Variants in KATNB1 observed in about 807,000 individuals in gnomAD.
The protein encoded by KATNB1 is katanin p80 WD40 repeat-containing subunit B1.
In KATNB1, 38 loss-of-function variants were observed where a neutral mutation model predicts 82.3. The ratio of observed to expected loss-of-function variants is 0.46; its 90% confidence interval spans 0.36 to 0.61. The LOEUF (loss-of-function observed/expected upper bound fraction) is 0.61, where lower values mean the gene tolerates loss of function less well. Among genes scored for constraint, KATNB1 ranks in the 20% least tolerant of loss-of-function variants. The pLI is 0.00. For missense variants in KATNB1, 749 were observed against 915.7 expected, an observed-to-expected ratio of 0.82 and a Z score of 2.35; for synonymous variants, 361 against 368.7, an observed-to-expected ratio of 0.98 and a Z score of 0.24.
chr16:57,744,259 G>C, intron 3 of KATNB1, 135 bp from the exon 4 acceptor site: 1 of 719,798 alleles, frequency 1.4e-6, no homozygotes, highest in South Asian at 1.7e-5. Context: ...GGAGGGCTAG[G>C]CTGTGGCCCC....
chr16:57,753,242 A>C lies in KATNB1; in HGVS notation c.1021A>C (p.Ser341Arg), dbSNP rs1209385031. The change falls in exon 11 of 20, where the codon AGC becomes CGC. Residue 341 changes from serine (S) to arginine (R), a missense_variant. By Grantham distance (110) the Ser-to-Arg change is moderately radical (BLOSUM62 -1). Transcript: ENST00000379661. ...APLRRIYERP[S>R]TTCSKPQRVK... ...CCTCCGGCGCATCTATGAGCGGCCC[A>C]GCACAACCTGCAGCAAGCCTCAGAG... 3.1e-6 allele frequency: 5 copies of C among 1,602,352 alleles called. No individual in the cohort carries two copies. In the African/African-American group the frequency reaches 5.4e-5, roughly 17 times the overall value.
At chr16:57,739,361 G>A (rs1205223581) in intron 2 of KATNB1, among the ~76,000 whole-genome samples, 10 of 152,184 alleles carry the variant, frequency 6.6e-5, no homozygotes, top group African/African-American at 1.4e-4. Context: ...ACATGAGGTC[G>A]TTGAAACCTA....
intron 18 of KATNB1, 127 bp from the exon 19 acceptor site, chr16:57,756,229 C>A: frequency 9.1e-7 from 1 of 1,104,138 alleles, no homozygotes; most frequent in Non-Finnish European, 1.4e-6. Flanking sequence ...TGGAAACAGG[C>A]GTGTGTGGGT....
intron 3 of KATNB1, among the ~76,000 whole-genome samples, chr16:57,742,903 C>T (rs1402039226): frequency 6.6e-6 from 1 of 152,236 alleles, no homozygotes; most frequent in Non-Finnish European, 1.5e-5. Context: ...TACATTCTCA[C>T]CAGCAGCATC....
chr16:57,754,771 C>A (rs1451642412), intron 13 of KATNB1, among the ~76,000 whole-genome samples, 159 bp from the exon 14 acceptor site: 1 of 152,186 alleles, frequency 6.6e-6, no homozygotes, highest in Non-Finnish European at 1.5e-5. Flanking sequence ...CAGGCCTGCC[C>A]CAGGTCCTCT....
At chr16:57,742,768 G>A (rs1308348714) in intron 3 of KATNB1, among the ~76,000 whole-genome samples, 1 of 152,216 alleles carries the variant, frequency 6.6e-6, no homozygotes, top group African/African-American at 2.4e-5. Context: ...AAAGCACCCT[G>A]TGGTGAACAT....
Position 57,751,316 on chromosome 16 carries a change from C to A in KATNB1, c.432+14C>A. The stretch of plus-strand genomic sequence containing the variant: ...TTCCGATACAGGGTAAGGATGCGCT[C>A]TGTCGGTGACTCCATGAGCACCTTG... On this transcript the variant is annotated intron_variant, in intron 6 of 19. Transcript: ENST00000379661. The surrounding 1 kb of genome is among the most constrained non-coding windows in gnomAD (Gnocchi z 6.3). 6.2e-7 allele frequency: 1 copy of A among 1,612,462 alleles called. No homozygotes were observed. Among genetic ancestry groups the A allele is most frequent in the South Asian group, 1.1e-5 (1 of 91,028 alleles).
chr16:57,737,755 G>A (rs568911250), intron 2 of KATNB1, among the ~76,000 whole-genome samples: 5 of 152,194 alleles, frequency 3.3e-5, no homozygotes, highest in Middle Eastern at 3.4e-3. Flanking sequence ...GACAGGGCTC[G>A]GATTGTAACT....
intron 4 of KATNB1, among the ~76,000 whole-genome samples, chr16:57,749,472 G>T (rs1239664660): frequency 2.0e-5 from 3 of 152,146 alleles, no homozygotes; most frequent in Non-Finnish European, 2.9e-5. Context: ...CTTGGATCTT[G>T]ACTCTGCAGT....
chr16:57,753,014 A>G (rs1330899173), intron 10 of KATNB1, 63 bp from the exon 11 acceptor site: 2 of 1,583,658 alleles, frequency 1.3e-6, no homozygotes, highest in Non-Finnish European at 1.7e-6. Context: ...CTACCCCCAC[A>G]CTGGGGCTGG....
intron 2 of KATNB1, among the ~76,000 whole-genome samples, chr16:57,739,892 G>T (rs1479972775): frequency 2.0e-5 from 3 of 152,178 alleles, no homozygotes; most frequent in African/African-American, 7.2e-5. Flanking sequence ...AGGGGCAGCA[G>T]TCCTGAGGCC....
chr16:57,751,743 T>C lies in KATNB1; in HGVS notation c.516+19T>C. On this transcript the variant is annotated intron_variant, in intron 7 of 19. Transcript: ENST00000379661. The surrounding 1 kb of genome is among the most constrained non-coding windows in gnomAD (Gnocchi z 6.3). ...CGTGAAGGTAGCTCCCGGCCTGACC[T>C]GGGCCCAGGGGCTGGGGGCTGGGGT... 6.2e-7 allele frequency: 1 copy of C among 1,606,352 alleles called. No individual in the cohort carries two copies. The highest frequency in any genetic ancestry group is 8.5e-7 in the Non-Finnish European group (1 of 1,178,926).
At chr16:57,755,797 C>G (rs781933930) in intron 16 of KATNB1, 44 bp from the exon 17 acceptor site, 5 of 1,541,286 alleles carry the variant, frequency 3.2e-6, no homozygotes, top group Non-Finnish European at 4.4e-6. Flanking sequence ...CAGGGCCACA[C>G]TGTCCCCCAC....
intron 4 of KATNB1, among the ~76,000 whole-genome samples, chr16:57,748,896 A>C (rs542507210): frequency 6.6e-6 from 1 of 152,354 alleles, no homozygotes; most frequent in African/African-American, 2.4e-5. Context: ...GTGGGATCCA[A>C]GCTGAGTGGG....
At chr16:57,753,304 G>A (rs1555584294) in intron 11 of KATNB1, 37 bp downstream of exon 11, 3 of 1,580,006 alleles carry the variant, frequency 1.9e-6, no homozygotes, top group East Asian at 2.3e-5. Flanking sequence ...CCCAGGAGAG[G>A]GACTGTCACA....
chr16:57,752,649 G>C (rs2049238300), intron 9 of KATNB1, 48 bp downstream of exon 9: 3 of 1,547,682 alleles, frequency 1.9e-6, no homozygotes, highest in Non-Finnish European at 2.6e-6. Flanking sequence ...CCGGCAGTGG[G>C]GCGTGGCTGT....
Position 57,741,808 on chromosome 16 carries a change from C to T in KATNB1, c.162C>T (p.Asn54=), listed in dbSNP as rs1282281202. The change falls in exon 3 of 20, where the codon AAC becomes AAT. Residue 54 remains asparagine (N), a synonymous_variant. Coordinates refer to ENST00000379661, the MANE Select transcript of KATNB1 (RefSeq NM_005886.3). ...RVNLWSINKP[N]CIMSLTGHTS... is the part of the protein sequence containing the mutation. ...ACCTGTGGTCCATCAACAAGCCCAA[C>T]TGCATCATGGTGAGCCCCGACAGCT... 9.9e-6 allele frequency: 16 copies of T among 1,613,276 alleles called. No homozygotes were observed. In the African/African-American group the frequency reaches 1.6e-4, roughly 16 times the overall value.
chr16:57,753,991 G>A lies in KATNB1; in HGVS notation c.1224G>A (p.Glu408=), dbSNP rs1555584684. The part of the protein sequence containing the change: ...RRSEPFPAPP[E]DDAATAKEAA... ...GTGAGCCCTTCCCTGCACCCCCAGA[G>A]GACGGTGAGTTGGGTGAGCCTGGTT... is the stretch of plus-strand genomic sequence containing the variant. The change falls in exon 13 of 20, where the codon GAG becomes GAA. Residue 408 remains glutamate (E), a synonymous_variant. Transcript: ENST00000379661. The A allele has an allele frequency of 2.5e-6, 4 of 1,613,566 alleles. No homozygotes were observed. Among genetic ancestry groups the A allele is most frequent in the East Asian group, 2.2e-5 (1 of 44,860 alleles).
Position 57,737,090 on chromosome 16 carries a change from C to A in KATNB1, c.-154C>A. 1.1e-6 allele frequency: 1 copy of A among 925,068 alleles called. No individual in the cohort carries two copies. The highest frequency in any genetic ancestry group is 1.7e-6 in the Non-Finnish European group (1 of 585,766). The allele number at this position is 925,068 out of a possible 1,614,324, so 57.3% of individuals were successfully genotyped here. On this transcript the variant is annotated 5_prime_UTR_variant, in exon 2 of 20. Transcript: ENST00000379661. ...TGGGTAATTTGGAACCACGAGGCACCCCAGGGCCAGAAGACGAGGCATTCT... is the reference window on the plus strand; with the variant it reads ...TGGGTAATTTGGAACCACGAGGCACACCAGGGCCAGAAGACGAGGCATTCT...
Sources: gnomAD v4.1 joint callset for allele counts (sites outside exome capture counted in the v4.1 genomes callset) on GRCh38, gnomAD v4.1.1 for gene constraint, Gnocchi (gnomAD v3.1) non-coding constraint, MANE v1.5 for transcripts, NCBI Gene and HGNC (gene_info 2026-07-23, HGNC 2026-07-21) for gene names.